PSD3: variants seen among roughly 807,000 people sequenced by gnomAD.
PSD3 encodes pleckstrin and Sec7 domain containing 3.
In PSD3, 49 loss-of-function variants were observed where a neutral mutation model predicts 105.5. The ratio of observed to expected loss-of-function variants is 0.46; its 90% confidence interval spans 0.37 to 0.59. The LOEUF is 0.59. Ranked by LOEUF, PSD3 falls within the 20% of genes least tolerant of loss-of-function variation. PSD3 has a pLI of 0.00. For missense variants in PSD3, 1,561 were observed against 1,263.8 expected (o/e 1.24, Z -3.57); for synonymous variants, 557 against 457.8 (o/e 1.22, Z -2.77).
chr8:18,941,606 C>T (rs1388522130), intron 1 of PSD3, among the ~76,000 whole-genome samples: 1 of 150,940 alleles, frequency 6.6e-6, no homozygotes, highest in Non-Finnish European at 1.5e-5. Flanking sequence ...CAACTCGCAA[C>T]ATTACCGATT....
At chr8:18,927,978 C>A (rs144222687) in intron 2 of PSD3, among the ~76,000 whole-genome samples, 2 of 152,146 alleles carry the variant, frequency 1.3e-5, no homozygotes, top group African/African-American at 4.8e-5. Context: ...CCATTCAACT[C>A]GGCAATTCTA....
In PSD3 at chr8:18,600,924, C is replaced by G. The variant is rs149863569; in HGVS notation, c.2411-490G>C. ...CACTTTTGGCATTTCTCCCATACCC[C>G]CCTCAACCAGAGTGCAAGTTTAAAT... On this transcript the variant is annotated intron_variant, in intron 11 of 15. Coordinates refer to ENST00000327040, the MANE Select transcript of PSD3 (RefSeq NM_015310.4). 7.2e-5 allele frequency among the ~76,000 whole-genome samples: 11 copies of G among 152,270 alleles called. No individual in the cohort carries two copies. In the East Asian group the frequency reaches 2.1e-3, roughly 29 times the overall value.
At chr8:18,603,809 G>C (rs1489897827) in intron 11 of PSD3, among the ~76,000 whole-genome samples, 2 of 152,118 alleles carry the variant, frequency 1.3e-5, no homozygotes, top group East Asian at 3.9e-4. Context: ...CAGTTTGCTT[G>C]CTCCTTCTCT....
At chr8:18,658,489 T>C (rs1809063297) in intron 9 of PSD3, among the ~76,000 whole-genome samples, 1 of 151,990 alleles carries the variant, frequency 6.6e-6, no homozygotes, top group Non-Finnish European at 1.5e-5. Flanking sequence ...TGTTCTGCTG[T>C]TGTACATGAA....
At chr8:18,978,235 A>G (rs1344088013) in intron 1 of PSD3, among the ~76,000 whole-genome samples, 1 of 152,248 alleles carries the variant, frequency 6.6e-6, no homozygotes. Context: ...GCACGTCCAC[A>G]CGCTGGGTTT....
chr8:18,611,620 T>C (rs750879387), intron 11 of PSD3, among the ~76,000 whole-genome samples: 68 of 152,178 alleles, frequency 4.5e-4, no homozygotes, highest in Non-Finnish European at 7.9e-4. Context: ...TACTGTCTGC[T>C]AAAGAAAATG....
intron 9 of PSD3, among the ~76,000 whole-genome samples, chr8:18,657,994 T>G (rs1019620400): frequency 9.2e-5 from 14 of 152,354 alleles, no homozygotes; most frequent in Non-Finnish European, 2.1e-4. Flanking sequence ...AATATTTTGT[T>G]CAAAGAGAAG....
intron 2 of PSD3, among the ~76,000 whole-genome samples, chr8:18,889,663 G>A (rs1818659826): frequency 6.6e-6 from 1 of 152,174 alleles, no homozygotes; most frequent in Admixed American, 6.5e-5. Context: ...CCAACCTGGT[G>A]TTTCCCTGTG....
intron 1 of PSD3, among the ~76,000 whole-genome samples, chr8:19,075,957 A>T (rs1829451399): frequency 6.6e-6 from 1 of 152,230 alleles, no homozygotes; most frequent in South Asian, 2.1e-4. Context: ...TATAGCTTCT[A>T]ATTGGATTTA....
At chr8:18,740,658 T>C (rs1414633004) in intron 9 of PSD3, among the ~76,000 whole-genome samples, 1 of 152,194 alleles carries the variant, frequency 6.6e-6, no homozygotes. Context: ...CCATTTCTAA[T>C]AACCTGCTCA....
chr8:19,048,132 G>T (rs1828390177), intron 1 of PSD3, among the ~76,000 whole-genome samples: 1 of 152,130 alleles, frequency 6.6e-6, no homozygotes, highest in African/African-American at 2.4e-5. Context: ...TGCCACAGTT[G>T]GCAGCCAGGG....
At chr8:18,944,332 G>A (rs371015965) in intron 1 of PSD3, among the ~76,000 whole-genome samples, 5 of 152,174 alleles carry the variant, frequency 3.3e-5, no homozygotes, top group East Asian at 3.9e-4. Flanking sequence ...CACTTTGGGA[G>A]GCCAAGGCGG....
chr8:18,544,172 A>AAAAAAAAAAAAAAAAAAAAAAAAAC (rs1800315409), intron 15 of PSD3, among the ~76,000 whole-genome samples: 5 of 3,092 alleles, frequency 1.6e-3, no homozygotes, highest in Non-Finnish European at 3.1e-3. Flanking sequence ...GAAACAAACC[A>AAAAAAAAAAAAAAAAAAAAAAAAAC]AAAAAAAAAA....
intron 1 of PSD3, among the ~76,000 whole-genome samples, chr8:18,952,537 ACT>A (rs1823305295): frequency 1.3e-5 from 2 of 152,214 alleles, no homozygotes; most frequent in African/African-American, 4.8e-5. Flanking sequence ...TACTGATGTG[ACT>A]CTGATTACAA....
intron 12 of PSD3, among the ~76,000 whole-genome samples, chr8:18,581,861 T>C (rs1412101203): frequency 6.6e-6 from 1 of 152,166 alleles, no homozygotes; most frequent in Non-Finnish European, 1.5e-5. Flanking sequence ...ACTCCGTGGA[T>C]TTACTCTTTG....
intron 10 of PSD3, among the ~76,000 whole-genome samples, chr8:18,643,522 T>C (rs1439955212): frequency 2.0e-5 from 3 of 152,158 alleles, no homozygotes; most frequent in African/African-American, 7.2e-5. Context: ...GCCTGTGAAA[T>C]CAAACAAGTT....
intron 9 of PSD3, among the ~76,000 whole-genome samples, chr8:18,715,502 C>G (rs1206078540): frequency 2.6e-5 from 4 of 152,196 alleles, no homozygotes; most frequent in Non-Finnish European, 4.4e-5. Flanking sequence ...CAAACTCTAA[C>G]TTAATGACTT....
intron 9 of PSD3, among the ~76,000 whole-genome samples, chr8:18,673,568 C>T (rs555617510): frequency 5.3e-5 from 8 of 152,292 alleles, no homozygotes; most frequent in African/African-American, 1.9e-4. Context: ...ATCTCCGGCA[C>T]AGCTGTTGTC....
At chr8:19,036,417 C>T (rs1016040402) in intron 1 of PSD3, among the ~76,000 whole-genome samples, 1 of 152,154 alleles carries the variant, frequency 6.6e-6, no homozygotes, top group African/African-American at 2.4e-5. Context: ...TGTCATTGAC[C>T]TCTCAAGTCT....
Sources: allele counts gnomAD v4.1 joint callset (sites outside exome capture counted in the v4.1 genomes callset), GRCh38; gene constraint gnomAD v4.1.1; transcripts MANE v1.5; gene names NCBI Gene and HGNC (gene_info 2026-07-23, HGNC 2026-07-21).